Variants in IRAG2 observed in about 807,000 individuals in gnomAD.
IRAG2 encodes lymphoid restricted membrane protein.
IRAG2 carries 45 observed loss-of-function variants against 69.9 expected under a neutral mutation model. That is an observed-to-expected ratio of 0.64 (90% CI 0.51 to 0.83). IRAG2 has a LOEUF of 0.83. Ranked by LOEUF, IRAG2 falls within the 40% of genes least tolerant of loss-of-function variation. The pLI, the probability that IRAG2 is intolerant of heterozygous loss-of-function variation, is 0.00. For synonymous variants in IRAG2, 193 were observed against 202.4 expected, an observed-to-expected ratio of 0.95 and a Z score of 0.40; for missense variants, 520 against 587.0, an observed-to-expected ratio of 0.89 and a Z score of 1.18.
intron 8 of IRAG2, among the ~76,000 whole-genome samples, chr12:25,024,678 A>G (rs1944608422): frequency 6.6e-6 from 1 of 152,210 alleles, no homozygotes; most frequent in South Asian, 2.1e-4. Context: ...ATGTGGGCCA[A>G]GTGGGTATTT....
chr12:25,011,354 CTCT>C, exon 3 of IRAG2: 2 of 1,231,620 alleles, frequency 1.6e-6, no homozygotes, highest in Middle Eastern at 3.1e-4. Context: ...AACTGATCTG[CTCT>C]TCTTTTTCCA....
rs751560656 is a variant in IRAG2, at chr12:25,097,004, G to A, written c.701G>A (p.Arg234Gln). The change falls in exon 15 of 22, where the codon CGA becomes CAA. Residue 234 changes from arginine (R) to glutamine (Q), a missense_variant. Coordinates refer to ENST00000556887, the MANE Select transcript of IRAG2 (RefSeq NM_001366544.2). ...AAGTTTCTTAGCCAGTGTGCAGCACGAGTGGCCAGTAGGGCTGAGATGTTG... is the reference window on the plus strand; with the variant it reads ...AAGTTTCTTAGCCAGTGTGCAGCACAAGTGGCCAGTAGGGCTGAGATGTTG... ...SIKFLSQCAA[R>Q]VASRAEMLGA... The A allele has an allele frequency of 8.7e-6, 14 of 1,613,222 alleles. No individual in the cohort carries two copies. Among genetic ancestry groups the A allele is most frequent in the Admixed American group, 1.7e-5 (1 of 59,876 alleles).
intron 6 of IRAG2, among the ~76,000 whole-genome samples, chr12:25,077,385 T>TATATATATG (rs1946895275): frequency 8.2e-6 from 1 of 122,524 alleles, no homozygotes; most frequent in African/African-American, 3.1e-5. Context: ...ATATATATGA[T>TATATATATG]ATATATATGA....
intron 4 of IRAG2, 143 bp downstream of exon 4, chr12:25,063,959 T>C (rs1945799921): frequency 5.1e-6 from 2 of 394,128 alleles, no homozygotes; most frequent in Non-Finnish European, 8.9e-6. Context: ...TCAATCAATA[T>C]ATATTTGAGT....
chr12:25,013,314 A>C (rs11047753), intron 3 of IRAG2, among the ~76,000 whole-genome samples: 4 of 152,070 alleles, frequency 2.6e-5, no homozygotes, highest in Non-Finnish European at 5.9e-5. Flanking sequence ...CTGTCTCTAC[A>C]AAAAAATTTT....
intron 8 of IRAG2, chr12:25,026,724 CTTTG>C (rs940292784): frequency 1.4e-5 from 11 of 766,704 alleles, no homozygotes; most frequent in African/African-American, 3.6e-5. Context: ...CTAAAAGAGA[CTTTG>C]TTTGTCCTCA....
At chr12:25,029,502 AC>A (rs562921384) in intron 9 of IRAG2, among the ~76,000 whole-genome samples, 117 of 152,302 alleles carry the variant, frequency 7.7e-4, no homozygotes, top group Middle Eastern at 3.4e-3. Context: ...TCTGCTTCTG[AC>A]CATGATGATT....
At chr12:24,999,489 C>T (rs527472154), upstream of IRAG2, among the ~76,000 whole-genome samples, 19 of 152,170 alleles carry the variant, frequency 1.2e-4, no homozygotes, top group Non-Finnish European at 2.6e-4. Flanking sequence ...AAGCATAGTT[C>T]AATCAATAGG....
intron 6 of IRAG2, among the ~76,000 whole-genome samples, chr12:25,019,291 C>T (rs1186449599): frequency 1.3e-5 from 2 of 152,216 alleles, no homozygotes; most frequent in Non-Finnish European, 2.9e-5. Context: ...CAGCCTTTTA[C>T]ACCCTACCCT....
At chr12:25,057,713 T>G (rs183563313) in intron 1 of IRAG2, among the ~76,000 whole-genome samples, 14 of 152,314 alleles carry the variant, frequency 9.2e-5, no homozygotes, top group African/African-American at 3.4e-4. Context: ...GGTAGATAAA[T>G]ACACATCAAA....
intron 2 of IRAG2, 77 bp downstream of exon 2, chr12:25,061,730 T>A (rs1025236703): frequency 2.5e-5 from 10 of 397,982 alleles, no homozygotes; most frequent in Non-Finnish European, 4.0e-5. Flanking sequence ...AGCTAATTTA[T>A]AACAGACAAT....
At chr12:25,074,534 A>G (rs181944271) in intron 6 of IRAG2, among the ~76,000 whole-genome samples, 19 of 152,328 alleles carry the variant, frequency 1.2e-4, no homozygotes, top group African/African-American at 4.6e-4. Context: ...TCCTATGACA[A>G]CAAAGTTGAT....
intron 13 of IRAG2, among the ~76,000 whole-genome samples, chr12:25,035,120 C>G (rs1412384453): frequency 6.6e-6 from 1 of 152,168 alleles, no homozygotes; most frequent in African/African-American, 2.4e-5. Flanking sequence ...GGAAGTTTGT[C>G]TTCTAACTAG....
intron 10 of IRAG2, among the ~76,000 whole-genome samples, chr12:25,087,427 CAA>C (rs1393012750): frequency 1.3e-5 from 2 of 152,090 alleles, no homozygotes; most frequent in Non-Finnish European, 2.9e-5. Context: ...CTCAGCCTCC[CAA>C]AGTGTTGAGA....
intron 15 of IRAG2, chr12:25,100,780 A>G (rs1948709320): frequency 6.5e-6 from 1 of 154,120 alleles, no homozygotes; most frequent in African/African-American, 2.4e-5. Flanking sequence ...GTGGAGGGAA[A>G]ATTGCTGTGC....
At chr12:25,021,672 C>A (rs1368826183) in intron 7 of IRAG2, among the ~76,000 whole-genome samples, 3 of 152,168 alleles carry the variant, frequency 2.0e-5, no homozygotes, top group Non-Finnish European at 4.4e-5. Flanking sequence ...GCCAGCAGTA[C>A]TCTAGTATCA....
chr12:25,103,835 A>G lies in IRAG2; in HGVS notation c.934-2A>G, dbSNP rs868807720. Reference sequence around the variant, plus strand: ...AAATGTACATTTTCCTCCTTCTGGTAGCCATCTTCTCTACGAAGAGTGACT... The same window carrying G: ...AAATGTACATTTTCCTCCTTCTGGTGGCCATCTTCTCTACGAAGAGTGACT... On this transcript the variant is annotated splice_acceptor_variant, in intron 17 of 21. Coordinates refer to ENST00000556887, the MANE Select transcript of IRAG2 (RefSeq NM_001366544.2). LOFTEE classifies it high-confidence loss of function. 1 of 1,607,540 alleles carries G rather than the reference A, an allele frequency of 6.2e-7. No homozygotes were observed. Among genetic ancestry groups the G allele is most frequent in the South Asian group, 1.1e-5 (1 of 90,730 alleles).
At chr12:24,999,250 A>C in the IRAG2 span, among the ~76,000 whole-genome samples, 3 of 152,236 alleles carry the variant, frequency 2.0e-5, no homozygotes, top group Non-Finnish European at 4.4e-5. Flanking sequence ...TGAAGTCTGC[A>C]GTTACACTGG....
chr12:25,090,138 C>T lies in IRAG2; in HGVS notation c.547C>T (p.Arg183Cys), dbSNP rs561414804. The T allele has an allele frequency of 8.1e-6, 13 of 1,613,574 alleles. No homozygotes were observed. The highest frequency in any genetic ancestry group is 2.2e-5 in the East Asian group (1 of 44,886). ...GAGAGTGAAGCTTGAAGAGAGGTCC[C>T]GTGACTTGGCAGAAGAAAATTTGAA... Reference protein sequence around the residue: ...EKRVKLEERSRDLAEENLKKE... With the variant: ...EKRVKLEERSCDLAEENLKKE... The change falls in exon 14 of 22, where the codon CGT (arginine) becomes TGT (cysteine). Residue 183 changes from arginine to cysteine, a missense_variant. Coordinates refer to ENST00000556887, the MANE Select transcript of IRAG2 (RefSeq NM_001366544.2).
Sources: allele counts gnomAD v4.1 joint callset (sites outside exome capture counted in the v4.1 genomes callset), GRCh38; gene constraint gnomAD v4.1.1; transcripts MANE v1.5; gene names NCBI Gene and HGNC (gene_info 2026-07-23, HGNC 2026-07-21).